NOL4: variants seen among roughly 807,000 people sequenced by gnomAD.
NOL4 encodes the protein nucleolar protein 4, also known as cancer/testis antigen 125.
NOL4 carries 17 observed loss-of-function variants against 75.9 expected under a neutral mutation model. The observed-to-expected ratio is 0.22, with a 90% confidence interval of 0.15 to 0.34. NOL4 has a LOEUF of 0.34. Among genes scored for constraint, NOL4 ranks in the 10% least tolerant of loss-of-function variants. The pLI is 1.00. For synonymous variants in NOL4, 292 were observed against 289.9 expected (o/e 1.01, Z -0.07); for missense variants, 614 against 793.5 (o/e 0.77, Z 2.72).
intron 5 of NOL4, among the ~76,000 whole-genome samples, chr18:34,071,181 A>T (rs2077498889): frequency 6.6e-6 from 1 of 152,142 alleles, no homozygotes; most frequent in African/African-American, 2.4e-5. Flanking sequence ...CACAATGTAT[A>T]CATGTATCAA....
intron 5 of NOL4, among the ~76,000 whole-genome samples, chr18:34,022,081 G>A (rs2075076714): frequency 1.3e-5 from 2 of 150,676 alleles, no homozygotes; most frequent in Admixed American, 1.3e-4. Flanking sequence ...TCCAGCCTGG[G>A]CAACAAGAGC....
At chr18:34,062,828 T>C (rs950082352) in intron 5 of NOL4, among the ~76,000 whole-genome samples, 1 of 152,078 alleles carries the variant, frequency 6.6e-6, no homozygotes, top group Non-Finnish European at 1.5e-5. Context: ...TAAGAAACTA[T>C]CTATATCCAG....
intron 1 of NOL4, chr18:34,158,557 G>A (rs1298885525): frequency 6.6e-6 from 1 of 152,074 alleles, no homozygotes; most frequent in African/African-American, 2.4e-5. Flanking sequence ...GGAAAAGAAG[G>A]GGTTTCTAAA....
At chr18:34,012,324 C>A (rs958262469) in intron 6 of NOL4, among the ~76,000 whole-genome samples, 1 of 151,646 alleles carries the variant, frequency 6.6e-6, no homozygotes, top group African/African-American at 2.4e-5. Context: ...GCATTGTATA[C>A]ATTTAAATTT....
At chr18:34,102,555 T>C (rs556890816) in intron 4 of NOL4, among the ~76,000 whole-genome samples, 3 of 152,196 alleles carry the variant, frequency 2.0e-5, no homozygotes, top group Non-Finnish European at 4.4e-5. Context: ...GAGTTATTTT[T>C]CTAATCTAGT....
intron 5 of NOL4, chr18:34,023,666 G>T: frequency 3.4e-6 from 1 of 289,986 alleles, no homozygotes; most frequent in Admixed American, 3.7e-5. Context: ...CAACAGAGGA[G>T]AATGTGGAAT....
chr18:34,086,570 A>C (rs1364449287), intron 5 of NOL4, among the ~76,000 whole-genome samples: 1 of 152,184 alleles, frequency 6.6e-6, no homozygotes, highest in East Asian at 1.9e-4. Flanking sequence ...TTTCCAATGA[A>C]ATTAAATGGT....
At position 33,904,074 on chromosome 18, in the gene NOL4, CTTTTGGT is replaced by C. The variant is rs2065894791; in HGVS notation, c.1543-20657_1543-20651del. ...TTGATTTTATAATCTTGCTTTTTGG[CTTTTGGT>C]TTTTGGCTCTTATGTTACTTGAAAA... On this transcript the variant is annotated intron_variant, in intron 9 of 10. Coordinates refer to ENST00000261592, the MANE Select transcript of NOL4 (RefSeq NM_003787.5). Among the ~76,000 whole-genome samples the C allele has an allele frequency of 3.3e-5, 5 of 152,022 alleles. No individual in the cohort carries two copies. The South Asian group carries it at 1.0e-3, about 32-fold the overall frequency.
intron 1 of NOL4, among the ~76,000 whole-genome samples, chr18:34,178,185 T>C (rs1311529576): frequency 2.0e-5 from 3 of 151,680 alleles, no homozygotes; most frequent in Admixed American, 1.3e-4. Context: ...TAGATTGTTA[T>C]AGATTAAGAT....
At chr18:34,000,192 T>TC (rs748491774) in intron 6 of NOL4, among the ~76,000 whole-genome samples, 1 of 152,116 alleles carries the variant, frequency 6.6e-6, no homozygotes, top group Non-Finnish European at 1.5e-5. Context: ...ATCCTGACTG[T>TC]CCATGAGGAG....
intron 6 of NOL4, among the ~76,000 whole-genome samples, chr18:33,978,859 A>T (rs961634070): frequency 2.6e-5 from 4 of 151,944 alleles, no homozygotes. Flanking sequence ...TTTTTAAAAA[A>T]ATATTTTTCA....
chr18:34,093,628 T>C (rs185610621), intron 4 of NOL4, 31 bp from the exon 5 acceptor site: 2 of 1,518,148 alleles, frequency 1.3e-6, no homozygotes, highest in Non-Finnish European at 1.8e-6. Context: ...TCATCAAGCA[T>C]TTTAACGTAT....
intron 9 of NOL4, among the ~76,000 whole-genome samples, chr18:33,927,917 A>C (rs1239330451): frequency 6.6e-6 from 1 of 151,954 alleles, no homozygotes; most frequent in East Asian, 1.9e-4. Context: ...AGCATAGCCC[A>C]ATTTCCCCAG....
chr18:34,040,823 C>A (rs866978109), intron 5 of NOL4, among the ~76,000 whole-genome samples: 1 of 151,842 alleles, frequency 6.6e-6, no homozygotes, highest in Non-Finnish European at 1.5e-5. Flanking sequence ...TCAGGGCAAT[C>A]CCATGAGAAA....
intron 9 of NOL4, among the ~76,000 whole-genome samples, chr18:33,895,067 CA>C (rs2144884285): frequency 6.6e-6 from 1 of 152,174 alleles, no homozygotes; most frequent in East Asian, 1.9e-4. Flanking sequence ...TATATCAAAA[CA>C]TCACATTGTA....
At chr18:34,003,430 C>T (rs757778408) in intron 6 of NOL4, among the ~76,000 whole-genome samples, 39 of 151,948 alleles carry the variant, frequency 2.6e-4, no homozygotes, top group Non-Finnish European at 5.1e-4. Flanking sequence ...TAAAGTTTAC[C>T]CTACCACTTT....
chr18:33,858,242 C>T (rs192830125), intron 10 of NOL4, among the ~76,000 whole-genome samples: 24 of 152,144 alleles, frequency 1.6e-4, no homozygotes, highest in Non-Finnish European at 1.2e-4. Flanking sequence ...AATAAACTTG[C>T]TATCAGTAAA....
intron 5 of NOL4, among the ~76,000 whole-genome samples, chr18:34,093,002 C>T (rs539552589): frequency 2.0e-5 from 3 of 152,148 alleles, no homozygotes; most frequent in Admixed American, 6.6e-5. Context: ...TCTTACTCAG[C>T]ACTATTGCTC....
intron 8 of NOL4, among the ~76,000 whole-genome samples, chr18:33,953,250 G>A (rs1490273712): frequency 1.3e-5 from 1 of 75,460 alleles, no homozygotes; most frequent in Non-Finnish European, 3.6e-5. Flanking sequence ...TTTTTAAACT[G>A]CAAATACACA....
Sources: gnomAD v4.1 joint callset for allele counts (sites outside exome capture counted in the v4.1 genomes callset) on GRCh38, gnomAD v4.1.1 for gene constraint, MANE v1.5 for transcripts, NCBI Gene and HGNC (gene_info 2026-07-23, HGNC 2026-07-21) for gene names.